The following GRM5 variants were observed in gnomAD, a reference collection of about 807,000 sequenced individuals.
GRM5 encodes the protein metabotropic glutamate receptor 5.
GRM5 carries 19 observed loss-of-function variants against 83.1 expected under a neutral mutation model. The ratio of observed to expected loss-of-function variants is 0.23; its 90% confidence interval spans 0.16 to 0.34. The LOEUF (loss-of-function observed/expected upper bound fraction) is 0.34, where lower values mean the gene tolerates loss of function less well. GRM5 is among the 10% of genes least tolerant of loss of function. The pLI, the probability that GRM5 is intolerant of heterozygous loss-of-function variation, is 1.00. For synonymous variants in GRM5, 675 were observed against 633.6 expected (o/e 1.07, Z -0.98); for missense variants, 1,160 against 1,588.3 (o/e 0.73, Z 4.58).
Position 88,864,752 on chromosome 11 carries a change from A to T in GRM5, c.662-14597T>A, listed in dbSNP as rs1278941511. Among the ~76,000 whole-genome samples, 7 of 151,960 alleles carry T rather than the reference A, an allele frequency of 4.6e-5. No individual in the cohort carries two copies. In the South Asian group the frequency reaches 6.2e-4, roughly 14 times the overall value. On this transcript the variant is annotated intron_variant, in intron 2 of 9. Coordinates refer to ENST00000305447, the MANE Select transcript of GRM5 (RefSeq NM_001143831.3). ...CATCCTTGTCTTGTGCAGGATTTCA[A>T]ATGGAATGTTGCCAGTTTTTGACCA... is the stretch of plus-strand genomic sequence containing the variant.
At chr11:88,681,117 C>A (rs1380639746) in intron 3 of GRM5, among the ~76,000 whole-genome samples, 3 of 152,220 alleles carry the variant, frequency 2.0e-5, no homozygotes, top group African/African-American at 4.8e-5. Context: ...GTCAGTATTT[C>A]AATTTTTCTC....
At chr11:88,611,337 T>C (rs1021487025) in intron 4 of GRM5, among the ~76,000 whole-genome samples, 2 of 152,222 alleles carry the variant, frequency 1.3e-5, no homozygotes, top group Non-Finnish European at 2.9e-5. Flanking sequence ...TTTGATTCTA[T>C]TGGGCCCAGG....
intron 3 of GRM5, among the ~76,000 whole-genome samples, chr11:88,826,897 C>G (rs1241426726): frequency 6.6e-6 from 1 of 152,060 alleles, no homozygotes; most frequent in African/African-American, 2.4e-5. Context: ...ATAGAAACTT[C>G]AAAAATGGAA....
intron 3 of GRM5, among the ~76,000 whole-genome samples, chr11:88,723,206 G>A (rs1363055346): frequency 2.0e-5 from 3 of 150,294 alleles, no homozygotes; most frequent in Non-Finnish European, 3.0e-5. Flanking sequence ...TTCATAGCTT[G>A]ATAGCTCATT....
intron 3 of GRM5, among the ~76,000 whole-genome samples, chr11:88,715,726 G>A (rs755119851): frequency 6.6e-6 from 1 of 151,838 alleles, no homozygotes; most frequent in Non-Finnish European, 1.5e-5. Flanking sequence ...TTCCTGCTTT[G>A]GGTATGCAGT....
chr11:88,575,105 C>T (rs1943081561), intron 7 of GRM5, among the ~76,000 whole-genome samples: 1 of 150,490 alleles, frequency 6.6e-6, no homozygotes, highest in South Asian at 2.1e-4. Flanking sequence ...CAAAACATGG[C>T]ATGATTGCTT....
At chr11:88,790,527 C>T (rs763180268) in intron 3 of GRM5, among the ~76,000 whole-genome samples, 12 of 152,098 alleles carry the variant, frequency 7.9e-5, no homozygotes, top group Non-Finnish European at 1.8e-4. Context: ...GGAAACTCTT[C>T]TTTTTTAATA....
chr11:89,029,300 G>T (rs1326651873), intron 2 of GRM5, among the ~76,000 whole-genome samples: 1 of 152,048 alleles, frequency 6.6e-6, no homozygotes, highest in Non-Finnish European at 1.5e-5. Flanking sequence ...AAATTTTTTG[G>T]ATTATTCTGT....
chr11:88,622,163 A>T (rs1938656411), intron 4 of GRM5, among the ~76,000 whole-genome samples: 1 of 152,190 alleles, frequency 6.6e-6, no homozygotes, highest in African/African-American at 2.4e-5. Context: ...GTAGCCATTA[A>T]AGAAGAGATA....
intron 2 of GRM5, among the ~76,000 whole-genome samples, chr11:88,885,889 C>T (rs1331694988): frequency 6.6e-6 from 1 of 152,130 alleles, no homozygotes; most frequent in Non-Finnish European, 1.5e-5. Context: ...GAGGACTAGA[C>T]ATTTTCAAGA....
chr11:88,651,898 A>C (rs1191828372), intron 4 of GRM5, among the ~76,000 whole-genome samples: 1 of 152,102 alleles, frequency 6.6e-6, no homozygotes, highest in Admixed American at 6.6e-5. Context: ...ATCATTTCCC[A>C]AAAGAACAAA....
At chr11:88,733,080 G>A (rs560603363) in intron 3 of GRM5, among the ~76,000 whole-genome samples, 1 of 151,996 alleles carries the variant, frequency 6.6e-6, no homozygotes, top group Admixed American at 6.6e-5. Context: ...AATTATAACA[G>A]CAAATGGAAA....
At chr11:88,954,889 G>T (rs543955883) in intron 2 of GRM5, among the ~76,000 whole-genome samples, 1 of 152,156 alleles carries the variant, frequency 6.6e-6, no homozygotes, top group Non-Finnish European at 1.5e-5. Context: ...ATGTAGAAAG[G>T]CTTCAATGGC....
chr11:88,717,528 TAA>T (rs1941424611), intron 3 of GRM5, among the ~76,000 whole-genome samples: 1 of 151,918 alleles, frequency 6.6e-6, no homozygotes. Context: ...ACCCTGCTAG[TAA>T]ATTTAATGCA....
chr11:88,541,427 T>C (rs973099574), intron 8 of GRM5, among the ~76,000 whole-genome samples: 11 of 152,188 alleles, frequency 7.2e-5, no homozygotes, highest in Middle Eastern at 3.2e-3. Flanking sequence ...TATATAAGCA[T>C]ATATAAATAT....
intron 3 of GRM5, among the ~76,000 whole-genome samples, chr11:88,742,784 T>C (rs1942055331): frequency 2.6e-5 from 4 of 152,134 alleles, no homozygotes; most frequent in Admixed American, 2.6e-4. Context: ...AATGCATTTT[T>C]AACAAGCCCA....
At chr11:88,828,398 C>G (rs1486802424) in intron 3 of GRM5, among the ~76,000 whole-genome samples, 1 of 152,104 alleles carries the variant, frequency 6.6e-6, no homozygotes. Flanking sequence ...AATTCTCATC[C>G]AATCTTATTT....
At chr11:88,513,504 A>G (rs1941438557) in intron 9 of GRM5, among the ~76,000 whole-genome samples, 1 of 152,202 alleles carries the variant, frequency 6.6e-6, no homozygotes, top group Non-Finnish European at 1.5e-5. Flanking sequence ...CAATGTCTAC[A>G]TATTTAAAAA....
At chr11:88,557,231 G>A (rs1017429063) in intron 8 of GRM5, among the ~76,000 whole-genome samples, 2 of 152,088 alleles carry the variant, frequency 1.3e-5, no homozygotes, top group Non-Finnish European at 2.9e-5. Context: ...AAAATACTAT[G>A]TGAAGATCCA....
Sources: gnomAD v4.1 joint callset for allele counts (sites outside exome capture counted in the v4.1 genomes callset) on GRCh38, gnomAD v4.1.1 for gene constraint, MANE v1.5 for transcripts, NCBI Gene and HGNC (gene_info 2026-07-23, HGNC 2026-07-21) for gene names.